CTNNA2: variants seen among roughly 807,000 people sequenced by gnomAD.
The protein encoded by CTNNA2 is catenin alpha-2.
Under a neutral mutation model 101.0 loss-of-function variants are expected in CTNNA2, and 42 were observed. The observed-to-expected ratio is 0.42, with a 90% CI of 0.32 to 0.54. The LOEUF (loss-of-function observed/expected upper bound fraction) is 0.54. Among genes scored for constraint, CTNNA2 ranks in the 20% least tolerant of loss-of-function variants. The probability of loss-of-function intolerance (pLI) is 0.14; values close to 1 mark genes in which losing one functional copy is unlikely to be tolerated. For missense variants in CTNNA2, 871 were observed against 1,223.1 expected (o/e 0.71, Z 4.29); for synonymous variants, 450 against 456.4 (o/e 0.99, Z 0.18).
intron 4 of CTNNA2, among the ~76,000 whole-genome samples, chr2:79,431,636 T>C (rs1174884138): frequency 2.0e-5 from 3 of 152,060 alleles, no homozygotes; most frequent in African/African-American, 7.2e-5. Flanking sequence ...AAGGACAGGG[T>C]AGAAAAATGG....
intron 7 of CTNNA2, chr2:80,288,767 C>T (rs2149173760): frequency 6.6e-6 from 1 of 152,262 alleles, no homozygotes; most frequent in South Asian, 2.1e-4. Flanking sequence ...AAGAGCTGGG[C>T]CTGGTAGAAA....
intron 2 of CTNNA2, among the ~76,000 whole-genome samples, chr2:79,688,734 A>G (rs1684100104): frequency 6.6e-6 from 1 of 152,092 alleles, no homozygotes. Context: ...GCAATGACTG[A>G]GCAATGAGAA....
chr2:79,366,380 C>T (rs1558647765), intron 3 of CTNNA2, among the ~76,000 whole-genome samples: 1 of 152,178 alleles, frequency 6.6e-6, no homozygotes, highest in Non-Finnish European at 1.5e-5. Flanking sequence ...ATATTAGGAA[C>T]AATGACCTAT....
chr2:80,395,944 C>G (rs1249322614), intron 8 of CTNNA2, among the ~76,000 whole-genome samples: 1 of 151,698 alleles, frequency 6.6e-6, no homozygotes, highest in East Asian at 1.9e-4. Flanking sequence ...AGTCTCCTGC[C>G]TCCTCCTCAT....
intron 7 of CTNNA2, among the ~76,000 whole-genome samples, chr2:80,049,341 G>A (rs542821362): frequency 3.9e-5 from 6 of 152,168 alleles, no homozygotes; most frequent in South Asian, 2.1e-4. Flanking sequence ...TCTGAAAGAC[G>A]GCAGAACAAC....
intron 6 of CTNNA2, among the ~76,000 whole-genome samples, chr2:79,876,992 AGTC>A (rs1683072757): frequency 6.6e-6 from 1 of 151,810 alleles, no homozygotes; most frequent in Non-Finnish European, 1.5e-5. Context: ...ATGGTAAATA[AGTC>A]ACTAACTATA....
chr2:79,859,690 G>A (rs945635044), intron 4 of CTNNA2, among the ~76,000 whole-genome samples: 3 of 151,964 alleles, frequency 2.0e-5, no homozygotes, highest in African/African-American at 7.3e-5. Flanking sequence ...GGCCAGGAAA[G>A]GCTCTTGAAA....
chr2:79,567,733 C>G (rs1367400), intron 1 of CTNNA2, among the ~76,000 whole-genome samples: 92,324 of 151,776 alleles, frequency 0.61, 29,651 homozygotes, highest in Middle Eastern at 0.73. Flanking sequence ...GTTGAGACCA[C>G]AGAAGGTAGA....
chr2:79,704,510 C>CTTT (rs780311540), intron 2 of CTNNA2, among the ~76,000 whole-genome samples: 58 of 127,554 alleles, frequency 4.5e-4, no homozygotes, highest in East Asian at 7.3e-4. Flanking sequence ...ACTTGTGCTT[C>CTTT]TTTTTTTTTT....
At chr2:79,677,239 G>A (rs919109796) in intron 2 of CTNNA2, among the ~76,000 whole-genome samples, 4 of 152,124 alleles carry the variant, frequency 2.6e-5, no homozygotes, top group South Asian at 4.1e-4. Flanking sequence ...TTGTGACTGC[G>A]ACACACTGTT....
intron 9 of CTNNA2, among the ~76,000 whole-genome samples, chr2:80,509,355 C>T (rs993136206): frequency 4.6e-5 from 7 of 152,110 alleles, no homozygotes; most frequent in Admixed American, 2.6e-4. Context: ...TTTTCAGTCC[C>T]CTAATCCCTC....
intron 4 of CTNNA2, among the ~76,000 whole-genome samples, chr2:79,411,572 G>T (rs1487556125): frequency 6.6e-6 from 1 of 152,092 alleles, no homozygotes; most frequent in Non-Finnish European, 1.5e-5. Context: ...CAAACCAGAA[G>T]AGAGTGGGGG....
chr2:79,771,323 C>T (rs942236440), intron 3 of CTNNA2, among the ~76,000 whole-genome samples: 1 of 152,194 alleles, frequency 6.6e-6, no homozygotes, highest in Non-Finnish European at 1.5e-5. Flanking sequence ...CCCAACCTTT[C>T]TGGCACCAGG....
intron 3 of CTNNA2, among the ~76,000 whole-genome samples, chr2:79,756,594 A>T (rs1404433606): frequency 6.6e-6 from 1 of 152,212 alleles, no homozygotes; most frequent in Non-Finnish European, 1.5e-5. Flanking sequence ...TAAAACTAGA[A>T]ACTTTGGCAC....
At chr2:79,214,025 G>A (rs575525489) in intron 2 of CTNNA2, among the ~76,000 whole-genome samples, 21 of 152,266 alleles carry the variant, frequency 1.4e-4, no homozygotes, top group African/African-American at 5.1e-4. Flanking sequence ...TAAGAATTCT[G>A]ACCGCACTAA....
At chr2:80,379,220 C>T (rs1161398150) in intron 7 of CTNNA2, among the ~76,000 whole-genome samples, 1 of 152,042 alleles carries the variant, frequency 6.6e-6, no homozygotes, top group African/African-American at 2.4e-5. Context: ...TGTAAACTTG[C>T]AAAAGTTTCT....
intron 7 of CTNNA2, among the ~76,000 whole-genome samples, chr2:80,322,953 A>T (rs1373620852): frequency 6.6e-6 from 1 of 152,214 alleles, no homozygotes; most frequent in Non-Finnish European, 1.5e-5. Context: ...ACTGAAGGGT[A>T]TGTAATTTGG....
At chr2:80,077,475 G>C (rs116529118) in intron 7 of CTNNA2, among the ~76,000 whole-genome samples, 1 of 151,808 alleles carries the variant, frequency 6.6e-6, no homozygotes, top group Non-Finnish European at 1.5e-5. Flanking sequence ...GCGGTTAGGC[G>C]TGGTGTCCCA....
chr2:79,597,332 C>T (rs1263181258), intron 1 of CTNNA2, among the ~76,000 whole-genome samples: 4 of 151,870 alleles, frequency 2.6e-5, no homozygotes, highest in Non-Finnish European at 4.4e-5. Context: ...ATTAGCCGGG[C>T]GTGGTGGCGG....
Sources: allele counts gnomAD v4.1 joint callset (sites outside exome capture counted in the v4.1 genomes callset), GRCh38; gene constraint gnomAD v4.1.1; transcripts MANE v1.5; gene names NCBI Gene and HGNC (gene_info 2026-07-23, HGNC 2026-07-21).